The following PDXDC1 variants were observed in gnomAD, a reference collection of about 807,000 sequenced individuals.
PDXDC1 encodes pyridoxal-dependent decarboxylase domain-containing protein 1.
PDXDC1 carries 42 observed loss-of-function variants against 100.1 expected under a neutral mutation model. The observed-to-expected ratio is 0.42, with a 90% confidence interval of 0.33 to 0.54. The LOEUF is 0.54. Ranked by LOEUF, PDXDC1 falls within the 20% of genes least tolerant of loss-of-function variation. PDXDC1 has a pLI of 0.10. For missense variants in PDXDC1, 636 were observed against 979.2 expected (o/e 0.65, Z 4.68); for synonymous variants, 260 against 371.7 (o/e 0.70, Z 3.46).
At chr16:15,039,878 A>G (rs1308999906), downstream of PDXDC1, 2 of 732,720 alleles carry the variant, frequency 2.7e-6, no homozygotes, top group African/African-American at 3.5e-5. Context: ...AGCTGACAGC[A>G]TAAACTTTTC....
chr16:15,074,660 A>T (rs1227293247), intron 16 of PDXDC1: 2 of 1,270,246 alleles, frequency 1.6e-6, no homozygotes, highest in African/African-American at 3.0e-5. Flanking sequence ...ATGGATGGAA[A>T]ATGCCCAGCA....
chr16:15,110,255 T>G (rs2046989923), intron 16 of PDXDC1, among the ~76,000 whole-genome samples: 1 of 148,342 alleles, frequency 6.7e-6, no homozygotes, highest in Non-Finnish European at 1.5e-5. Context: ...GGAAAGGAAT[T>G]ATACAGCTTA....
chr16:14,986,841 G>C (rs1372071794), intron 1 of PDXDC1, among the ~76,000 whole-genome samples: 2 of 152,290 alleles, frequency 1.3e-5, no homozygotes, highest in African/African-American at 2.4e-5. Flanking sequence ...CCGCCTCCCA[G>C]GTTCGAGTGA....
At chr16:14,978,771 T>C (rs1967283817) in intron 1 of PDXDC1, among the ~76,000 whole-genome samples, 1 of 152,296 alleles carries the variant, frequency 6.6e-6, no homozygotes, top group African/African-American at 2.4e-5. Flanking sequence ...TTCCTGGGTA[T>C]TATGTTTAGG....
At chr16:15,006,282 G>A (rs1974228520) in intron 5 of PDXDC1, 112 bp from the exon 6 acceptor site, 1 of 955,798 alleles carries the variant, frequency 1.0e-6, no homozygotes, top group Admixed American at 2.4e-5. Context: ...CTCTCTGCCT[G>A]ATAAAAGTGA....
At chr16:15,063,089 T>G in intron 16 of PDXDC1, 1 of 857,342 alleles carries the variant, frequency 1.2e-6, no homozygotes, top group Admixed American at 1.8e-5. Flanking sequence ...CTTGACCCCC[T>G]AAAGTGCGGG....
chr16:15,097,938 C>CCT (rs2046414408), intron 16 of PDXDC1, among the ~76,000 whole-genome samples: 1 of 89,620 alleles, frequency 1.1e-5, no homozygotes, highest in Middle Eastern at 0.013. Flanking sequence ...CAACATTATG[C>CCT]TTTTTTTTTT....
Position 15,031,918 on chromosome 16 carries a change from G to T in PDXDC1, c.1571+12G>T, listed in dbSNP as rs137962559. On this transcript the variant is annotated intron_variant, in intron 17 of 22. Transcript: ENST00000396410. Reference sequence around the variant, plus strand: ...ATAGGGGTTGTCAGGTAAAGTCTTGGCCTGCCGCTTGATGTTGGAGACTTT... The same window carrying T: ...ATAGGGGTTGTCAGGTAAAGTCTTGTCCTGCCGCTTGATGTTGGAGACTTT... 1.3e-6 allele frequency: 2 copies of T among 1,586,148 alleles called. No individual in the cohort carries two copies. Among genetic ancestry groups the T allele is most frequent in the Non-Finnish European group, 1.7e-6 (2 of 1,162,636 alleles).
At chr16:15,093,325 G>C (rs997390879) in intron 16 of PDXDC1, among the ~76,000 whole-genome samples, 1 of 152,168 alleles carries the variant, frequency 6.6e-6, no homozygotes, top group Non-Finnish European at 1.5e-5. Context: ...CTTCATTCAA[G>C]TGGAAGCTCA....
At chr16:15,097,834 A>G (rs2046410552) in intron 16 of PDXDC1, among the ~76,000 whole-genome samples, 1 of 151,120 alleles carries the variant, frequency 6.6e-6, no homozygotes, top group South Asian at 2.1e-4. Flanking sequence ...TAATTATCAT[A>G]TTTATACTCC....
chr16:15,038,633 A>G, downstream of PDXDC1: 1 of 1,610,534 alleles, frequency 6.2e-7, no homozygotes, highest in Non-Finnish European at 8.5e-7. Context: ...AATGGTGTCC[A>G]GGAGTACGGT....
At chr16:15,073,939 C>T (rs770871821) in intron 16 of PDXDC1, among the ~76,000 whole-genome samples, 8 of 152,126 alleles carry the variant, frequency 5.3e-5, no homozygotes, top group Non-Finnish European at 1.0e-4. Flanking sequence ...AAATGTTTAT[C>T]TTCAGCATCC....
Position 15,018,982 on chromosome 16 carries a change from C to G in PDXDC1, c.1089+17C>G. On this transcript the variant is annotated intron_variant, in intron 12 of 22. Coordinates refer to ENST00000396410, the MANE Select transcript of PDXDC1 (RefSeq NM_015027.4). ...TGTCAACTGGTGAGTAGAAGCCTGA[C>G]ATTTAAATGAAAGACTCCTTGGCCA... 6.3e-7 allele frequency: 1 copy of G among 1,593,954 alleles called. No homozygotes were observed. Among genetic ancestry groups the G allele is most frequent in the Non-Finnish European group, 8.6e-7 (1 of 1,168,804 alleles).
rs1368472701 is a variant in PDXDC1, at chr16:15,017,484, G to A, written c.963+62G>A. The A allele has an allele frequency of 5.4e-6, 7 of 1,294,892 alleles. No individual in the cohort carries two copies. The African/African-American group carries it at 5.9e-5, about 11-fold the overall frequency. The allele number at this position is 1,294,892 out of a possible 1,614,324, so 80.2% of individuals were successfully genotyped here. A position where few individuals can be genotyped will look rare whatever the true frequency, so the allele number is the denominator to read the frequency against. On this transcript the variant is annotated intron_variant, in intron 11 of 22. Coordinates refer to ENST00000396410, the MANE Select transcript of PDXDC1 (RefSeq NM_015027.4). The stretch of plus-strand genomic sequence containing the variant: ...CTAATACACATTATTGGCTTTGGGG[G>A]CAAAATCCAGAAAAATACAGGAAAA...
rs544237609 is a variant in PDXDC1 at position 15,003,758 on chromosome 16, G to T, written c.243-429G>T. ...AGCACTTTGGGAGGCCGAGGCAGGT[G>T]AATCACCTGAAGTCAGGAGTTCAAG... On this transcript the variant is annotated intron_variant, in intron 4 of 22. Transcript: ENST00000396410. Among the ~76,000 whole-genome samples, 64 of 152,298 alleles carry T rather than the reference G, an allele frequency of 4.2e-4. No individual in the cohort carries two copies. In the Middle Eastern group the frequency reaches 0.01, roughly 24 times the overall value.
chr16:15,128,282 G>A lies in PDXDC1; in HGVS notation c.1400-10597G>A, dbSNP rs1450432704. On this transcript the variant is annotated intron_variant, in intron 16 of 16. Coordinates refer to the PDXDC1 transcript ENST00000535621. ...CCCAGGCTGTGCGGGGTGGCGATCC[G>A]GAAGATGTCCAGGCTGTTGCGGTGG... 45 of 1,610,740 alleles carry A rather than the reference G, an allele frequency of 2.8e-5. No homozygotes were observed. In the East Asian group the frequency reaches 3.3e-4, roughly 12 times the overall value.
At chr16:15,101,204 T>C (rs551226291) in intron 16 of PDXDC1, among the ~76,000 whole-genome samples, 8 of 152,344 alleles carry the variant, frequency 5.3e-5, no homozygotes, top group Admixed American at 3.9e-4. Flanking sequence ...AATGACAGTA[T>C]TTGCCCATTT....
intron 1 of PDXDC1, among the ~76,000 whole-genome samples, chr16:14,980,752 A>C (rs1967780903): frequency 6.6e-6 from 1 of 152,280 alleles, no homozygotes; most frequent in Non-Finnish European, 1.5e-5. Context: ...GGCATGAGCC[A>C]CCGCGCCTGG....
the PDXDC1 span, among the ~76,000 whole-genome samples, chr16:15,144,560 T>G: frequency 2.0e-5 from 3 of 152,066 alleles, no homozygotes; most frequent in Non-Finnish European, 4.4e-5. Flanking sequence ...CTGCACGAGG[T>G]TCTCTGGGTC....
Sources: allele counts gnomAD v4.1 joint callset (sites outside exome capture counted in the v4.1 genomes callset), GRCh38; gene constraint gnomAD v4.1.1; transcripts MANE v1.5; gene names NCBI Gene and HGNC (gene_info 2026-07-23, HGNC 2026-07-21).